Variants in NBAS observed in about 807,000 individuals in gnomAD.
NBAS encodes the protein NAG/BC035112 fusion.
In NBAS, 219 loss-of-function variants were observed where a neutral mutation model predicts 302.5. That is an observed-to-expected ratio of 0.72 (90% CI 0.65 to 0.81). The LOEUF (loss-of-function observed/expected upper bound fraction) is 0.81. Among genes scored for constraint, NBAS ranks in the 30% least tolerant of loss-of-function variants. The pLI is 0.00. For missense variants in NBAS, 2,932 were observed against 2,841.6 expected (o/e 1.03, Z -0.72); for synonymous variants, 1,118 against 1,021.6 (o/e 1.09, Z -1.80).
chr2:14,963,713 AGT>A, the NBAS span, among the ~76,000 whole-genome samples: 1 of 152,228 alleles, frequency 6.6e-6, no homozygotes, highest in Admixed American at 6.5e-5. Flanking sequence ...AAGGGACTGA[AGT>A]GCACCTGTGC....
the NBAS span, among the ~76,000 whole-genome samples, chr2:15,034,296 G>GAGAGAA: frequency 9.7e-6 from 1 of 102,622 alleles, no homozygotes; most frequent in African/African-American, 3.6e-5. Flanking sequence ...AAGAAAGAAA[G>GAGAGAA]AAAGAAAGAT....
the NBAS span, among the ~76,000 whole-genome samples, chr2:14,855,038 G>A: frequency 6.6e-6 from 1 of 152,084 alleles, no homozygotes; most frequent in Non-Finnish European, 1.5e-5. Context: ...GGAGAAAAGA[G>A]GGAAGAGTGG....
the NBAS span, among the ~76,000 whole-genome samples, chr2:14,793,473 C>A: frequency 2.6e-5 from 4 of 151,850 alleles, no homozygotes; most frequent in Non-Finnish European, 4.4e-5. Context: ...ATTCAGTAAA[C>A]TTGAGGACAG....
the NBAS span, among the ~76,000 whole-genome samples, chr2:15,158,273 T>C: frequency 2.0e-5 from 3 of 152,204 alleles, no homozygotes; most frequent in African/African-American, 2.4e-5. Context: ...TGGCAACTCC[T>C]GCAGGTGTTC....
intron 41 of NBAS, among the ~76,000 whole-genome samples, chr2:15,289,023 T>G: frequency 6.6e-6 from 1 of 152,258 alleles, no homozygotes; most frequent in Non-Finnish European, 1.5e-5. Context: ...AAGGCTGGAT[T>G]GACTTTGTCA....
At chr2:15,483,245 A>G (rs967172359) in intron 12 of NBAS, 1 of 291,028 alleles carries the variant, frequency 3.4e-6, no homozygotes, top group Non-Finnish European at 7.2e-6. Flanking sequence ...TTCAGTGCCT[A>G]TTCTCAAAGA....
chr2:15,325,015 C>T (rs1291980621), intron 38 of NBAS, among the ~76,000 whole-genome samples: 1 of 152,172 alleles, frequency 6.6e-6, no homozygotes, highest in Non-Finnish European at 1.5e-5. Context: ...CCAAAAACAG[C>T]ACTAGAAAAT....
rs1021405951 is a variant in NBAS, at chr2:15,167,198, T to G, written c.6966A>C (p.Gln2322His). 4.3e-6 allele frequency: 7 copies of G among 1,614,106 alleles called. No homozygotes were observed. The highest frequency in any genetic ancestry group is 1.6e-4 in the Middle Eastern group (1 of 6,084). The stretch of plus-strand genomic sequence containing the variant: ...CCAGCTCCTCTGCATCCCAGCGCCC[T>G]TGCTGGAGGCTAGCCAAGAGGTGGT... Reference protein sequence around the residue: ...IVDHLLASLQQGRWDAEELGR... With the variant: ...IVDHLLASLQHGRWDAEELGR... The change falls in exon 52 of 52, where the codon CAA becomes CAC. Residue 2322 changes from glutamine to histidine, a missense_variant. Physicochemically the swap from Gln to His is conservative, Grantham distance 24. Coordinates refer to ENST00000281513, the MANE Select transcript of NBAS (RefSeq NM_015909.4).
At chr2:14,930,243 A>G in the NBAS span, among the ~76,000 whole-genome samples, 2 of 152,244 alleles carry the variant, frequency 1.3e-5, no homozygotes, top group Non-Finnish European at 2.9e-5. Flanking sequence ...GTACAGAAGC[A>G]GCACACAAAG....
the NBAS span, among the ~76,000 whole-genome samples, chr2:15,052,308 C>A: frequency 4.6e-5 from 7 of 152,210 alleles, no homozygotes; most frequent in Admixed American, 4.6e-4. Flanking sequence ...TAGTGGTTTT[C>A]AAACTCAGGT....
At chr2:14,889,206 G>A in the NBAS span, among the ~76,000 whole-genome samples, 4 of 152,166 alleles carry the variant, frequency 2.6e-5, no homozygotes, top group Non-Finnish European at 4.4e-5. Context: ...TTAAGCTTGA[G>A]TATCTGGTTA....
chr2:15,005,335 A>G, the NBAS span, among the ~76,000 whole-genome samples: 47 of 152,304 alleles, frequency 3.1e-4, no homozygotes, highest in African/African-American at 1.1e-3. Flanking sequence ...TGTTGCTTCT[A>G]TGAGTTTGAC....
chr2:15,463,211 G>A (rs1035109581), intron 19 of NBAS, among the ~76,000 whole-genome samples: 1 of 152,136 alleles, frequency 6.6e-6, no homozygotes, highest in Admixed American at 6.5e-5. Flanking sequence ...AAAGTCAAGA[G>A]TGCAGTGAGC....
chr2:14,881,597 A>T, the NBAS span, among the ~76,000 whole-genome samples: 1 of 152,234 alleles, frequency 6.6e-6, no homozygotes. Context: ...CAGAACATTT[A>T]AAAACTCAGA....
chr2:14,994,265 T>G, the NBAS span, among the ~76,000 whole-genome samples: 1 of 152,222 alleles, frequency 6.6e-6, no homozygotes, highest in Non-Finnish European at 1.5e-5. Context: ...ATTTCAGATG[T>G]ACCTTGAAAG....
chr2:15,020,697 C>T, the NBAS span, among the ~76,000 whole-genome samples: 1 of 152,176 alleles, frequency 6.6e-6, no homozygotes, highest in African/African-American at 2.4e-5. Flanking sequence ...AGAGACTGTC[C>T]TCACAGCTAA....
the NBAS span, among the ~76,000 whole-genome samples, chr2:15,024,110 C>G: frequency 6.6e-6 from 1 of 151,660 alleles, no homozygotes; most frequent in African/African-American, 2.4e-5. Context: ...TTTTCTAAAC[C>G]TCTCCCTCCT....
At chr2:15,260,745 T>C (rs1478167622) in intron 44 of NBAS, among the ~76,000 whole-genome samples, 2 of 152,206 alleles carry the variant, frequency 1.3e-5, no homozygotes, top group African/African-American at 4.8e-5. Context: ...GTTGACACAG[T>C]AGCTTTCAAA....
chr2:15,272,160 C>G (rs1669354349), intron 44 of NBAS, among the ~76,000 whole-genome samples: 1 of 152,136 alleles, frequency 6.6e-6, no homozygotes, highest in South Asian at 2.1e-4. Context: ...GGATTGGGCA[C>G]TCAGTTCAGG....
Sources: gnomAD v4.1 joint callset for allele counts (sites outside exome capture counted in the v4.1 genomes callset) on GRCh38, gnomAD v4.1.1 for gene constraint, MANE v1.5 for transcripts, NCBI Gene and HGNC (gene_info 2026-07-23, HGNC 2026-07-21) for gene names.